MYPN: variants seen among roughly 807,000 people sequenced by gnomAD.
The protein encoded by MYPN is myopalladin.
A neutral mutation model predicts 129.4 loss-of-function variants in MYPN; 63 were observed. The ratio of observed to expected loss-of-function variants is 0.49; its 90% CI spans 0.40 to 0.60. MYPN has a LOEUF of 0.60. Ranked by LOEUF, MYPN falls within the 20% of genes least tolerant of loss-of-function variation. The pLI is 0.00. For missense variants in MYPN, 1,596 were observed against 1,635.4 expected, an observed-to-expected ratio of 0.98 and a Z score of 0.42; for synonymous variants, 629 against 600.9, an observed-to-expected ratio of 1.05 and a Z score of -0.68.
intron 6 of MYPN, among the ~76,000 whole-genome samples, chr10:68,150,351 A>G (rs1434045696): frequency 6.6e-6 from 1 of 152,198 alleles, no homozygotes; most frequent in Admixed American, 6.5e-5. Context: ...TGGCCATTAT[A>G]CAACTGTTCA....
intron 2 of MYPN, among the ~76,000 whole-genome samples, chr10:68,129,724 A>G (rs1469239568): frequency 6.6e-6 from 1 of 152,188 alleles, no homozygotes; most frequent in Admixed American, 6.5e-5. Flanking sequence ...CATCATTGCC[A>G]ATATTGATAT....
At chr10:68,127,570 T>C (rs1158877301) in intron 2 of MYPN, among the ~76,000 whole-genome samples, 1 of 151,196 alleles carries the variant, frequency 6.6e-6, no homozygotes, top group Non-Finnish European at 1.5e-5. Context: ...CCTGACCTCA[T>C]GATCTGCCTG....
At chr10:68,126,410 G>T (rs2042326606) in intron 2 of MYPN, among the ~76,000 whole-genome samples, 1 of 152,134 alleles carries the variant, frequency 6.6e-6, no homozygotes, top group Non-Finnish European at 1.5e-5. Context: ...ACCATTTAAG[G>T]TTATGTATAG....
rs2043118694 is a variant in MYPN at position 68,169,875 on chromosome 10, G to C, written c.1973+3209G>C. On this transcript the variant is annotated intron_variant, in intron 10 of 19. Transcript: ENST00000358913. ...CTGCCTCAGCCTCCCGAGTACCTGTGATTACAGGTGCACACCACCACGCCT... is the reference window on the plus strand; with the variant it reads ...CTGCCTCAGCCTCCCGAGTACCTGTCATTACAGGTGCACACCACCACGCCT... Among the ~76,000 whole-genome samples, 3 of 151,994 alleles carry C rather than the reference G, an allele frequency of 2.0e-5. No homozygotes were observed. In the South Asian group the frequency reaches 6.2e-4, roughly 31 times the overall value.
chr10:68,108,308 CA>C (rs1467223771), upstream of MYPN, among the ~76,000 whole-genome samples: 25 of 152,088 alleles, frequency 1.6e-4, 1 homozygote, highest in Admixed American at 1.1e-3. Flanking sequence ...TCACAATAAG[CA>C]AAGAAATTTT....
At chr10:68,137,790 C>T (rs2042510270) in intron 2 of MYPN, among the ~76,000 whole-genome samples, 1 of 152,124 alleles carries the variant, frequency 6.6e-6, no homozygotes, top group African/African-American at 2.4e-5. Context: ...AGGTTTACTT[C>T]CTTCAGTTTT....
At chr10:68,182,362 CAT>C (rs1260703720) in intron 12 of MYPN, among the ~76,000 whole-genome samples, 33 of 118,720 alleles carry the variant, frequency 2.8e-4, no homozygotes, top group African/African-American at 8.4e-4. Context: ...ATATATAACA[CAT>C]ATATATAACA....
chr10:68,154,152 G>T (rs1356612564), intron 6 of MYPN, among the ~76,000 whole-genome samples: 1 of 152,194 alleles, frequency 6.6e-6, no homozygotes, highest in Non-Finnish European at 1.5e-5. Context: ...ACTGTGGATA[G>T]AGATAGACTA....
At chr10:68,180,758 C>T (rs2043301674) in intron 12 of MYPN, among the ~76,000 whole-genome samples, 1 of 152,128 alleles carries the variant, frequency 6.6e-6, no homozygotes, top group African/African-American at 2.4e-5. Flanking sequence ...CTCAGCAGTG[C>T]CATATCCAAT....
chr10:68,109,751 G>A (rs2042055744), intron 1 of MYPN, 28 bp downstream of exon 1: 1 of 448,786 alleles, frequency 2.2e-6, no homozygotes, highest in African/African-American at 2.0e-5. Flanking sequence ...GTTCACAAGT[G>A]TGTTTTGATA....
intron 1 of MYPN, among the ~76,000 whole-genome samples, chr10:68,097,794 G>A (rs974171386): frequency 5.4e-5 from 8 of 149,260 alleles, no homozygotes; most frequent in Non-Finnish European, 8.9e-5. Context: ...AAAAAAATCC[G>A]TGTCCAAACC....
chr10:68,149,621 T>G (rs1040560710), intron 5 of MYPN, among the ~76,000 whole-genome samples: 8 of 152,164 alleles, frequency 5.3e-5, no homozygotes, highest in Admixed American at 1.3e-4. Context: ...TTATTGATGA[T>G]CAATGTATTT....
At chr10:68,203,254 C>A (rs2043748796) in intron 18 of MYPN, among the ~76,000 whole-genome samples, 1 of 152,096 alleles carries the variant, frequency 6.6e-6, no homozygotes, top group South Asian at 2.1e-4. Flanking sequence ...TCATCTTCCC[C>A]CTGCCTTTAG....
At position 68,211,038 on chromosome 10, in the gene MYPN, CATA is replaced by C. The variant is rs1299157552; in HGVS notation, c.*588_*590del. 4 of 453,996 alleles carry C rather than the reference CATA, an allele frequency of 8.8e-6. No homozygotes were observed. The highest frequency in any genetic ancestry group is 1.8e-5 in the Non-Finnish European group (4 of 226,812). The allele number at this position is 453,996 out of a possible 1,614,324, so 28.1% of individuals were successfully genotyped here. ...TGCATATCCTGGGTGTACTGAGCCA[CATA>C]ATAAGGTGTCAAAATGTGCTTGAGA... On this transcript the variant is annotated 3_prime_UTR_variant, in exon 20 of 20. Coordinates refer to ENST00000358913, the MANE Select transcript of MYPN (RefSeq NM_032578.4).
chr10:68,153,762 C>A (rs957773175), intron 6 of MYPN, among the ~76,000 whole-genome samples: 13 of 152,190 alleles, frequency 8.5e-5, no homozygotes, highest in Non-Finnish European at 5.9e-5. Flanking sequence ...TGGATGGTAT[C>A]ATGTGGCTAT....
intron 6 of MYPN, among the ~76,000 whole-genome samples, chr10:68,150,497 T>C (rs2042751024): frequency 6.6e-6 from 1 of 152,152 alleles, no homozygotes; most frequent in Non-Finnish European, 1.5e-5. Flanking sequence ...TAAATGCTCT[T>C]AGGAGGTTTA....
At chr10:68,177,366 T>G (rs1427794860) in intron 12 of MYPN, among the ~76,000 whole-genome samples, 1 of 152,218 alleles carries the variant, frequency 6.6e-6, no homozygotes, top group African/African-American at 2.4e-5. Context: ...TGAGAATTAT[T>G]GCAGTTGGTT....
At chr10:68,142,197 A>G (rs964919542) in intron 2 of MYPN, among the ~76,000 whole-genome samples, 1 of 152,192 alleles carries the variant, frequency 6.6e-6, no homozygotes, top group Non-Finnish European at 1.5e-5. Flanking sequence ...AAACATTTAG[A>G]GTTTTGCCAA....
At chr10:68,185,287 G>T (rs952631184) in intron 12 of MYPN, among the ~76,000 whole-genome samples, 2 of 152,006 alleles carry the variant, frequency 1.3e-5, no homozygotes, top group Non-Finnish European at 2.9e-5. Flanking sequence ...AAGAAACTGG[G>T]ACTTCTGCTT....
Sources: gnomAD v4.1 joint callset for allele counts (sites outside exome capture counted in the v4.1 genomes callset) on GRCh38, gnomAD v4.1.1 for gene constraint, MANE v1.5 for transcripts, NCBI Gene and HGNC (gene_info 2026-07-23, HGNC 2026-07-21) for gene names.